Variants in SEC14L1 observed in about 807,000 individuals in gnomAD.
SEC14L1 encodes SEC14-like protein 1.
Under a neutral mutation model 85.3 loss-of-function variants are expected in SEC14L1, and 48 were observed. That is an observed-to-expected ratio of 0.56 (90% CI 0.45 to 0.72). SEC14L1 has a LOEUF of 0.72. Ranked by LOEUF, SEC14L1 falls within the 30% of genes least tolerant of loss-of-function variation. The pLI, the probability that SEC14L1 is intolerant of heterozygous loss-of-function variation, is 0.00. For missense variants in SEC14L1, 682 were observed against 921.4 expected (o/e 0.74, Z 3.36); for synonymous variants, 391 against 355.5 (o/e 1.10, Z -1.12).
intron 3 of SEC14L1, among the ~76,000 whole-genome samples, chr17:77,098,724 C>G (rs892793144): frequency 6.6e-6 from 1 of 152,140 alleles, no homozygotes; most frequent in Non-Finnish European, 1.5e-5. Flanking sequence ...TGGATCTGTC[C>G]TCTCCTAGTG....
At chr17:77,147,923 G>T (rs1038362141) in intron 3 of SEC14L1, among the ~76,000 whole-genome samples, 12 of 152,128 alleles carry the variant, frequency 7.9e-5, no homozygotes, top group African/African-American at 2.9e-4. Context: ...GGCTTGCGGG[G>T]AGGAGAAATT....
At chr17:77,164,041 G>T (rs1037524736) in intron 3 of SEC14L1, among the ~76,000 whole-genome samples, 3 of 152,238 alleles carry the variant, frequency 2.0e-5, no homozygotes, top group Non-Finnish European at 1.5e-5. Context: ...GAGAGTGCTT[G>T]TGTGGCAATA....
chr17:77,155,073 G>A (rs1225348752), intron 3 of SEC14L1, among the ~76,000 whole-genome samples: 1 of 152,104 alleles, frequency 6.6e-6, no homozygotes, highest in Non-Finnish European at 1.5e-5. Context: ...TAGCTATCTG[G>A]CTCTCTTACT....
intron 3 of SEC14L1, among the ~76,000 whole-genome samples, chr17:77,102,655 C>A (rs1005291943): frequency 1.3e-5 from 2 of 151,578 alleles, no homozygotes; most frequent in African/African-American, 4.8e-5. Flanking sequence ...AGGCACATGC[C>A]ACCACACCGA....
intron 8 of SEC14L1, among the ~76,000 whole-genome samples, chr17:77,197,740 C>G (rs1009393397): frequency 1.3e-5 from 2 of 151,994 alleles, no homozygotes; most frequent in Non-Finnish European, 2.9e-5. Flanking sequence ...CTCCTGAGAG[C>G]TGGGGTTAGC....
At chr17:77,191,079 G>A (rs576122062) in intron 4 of SEC14L1, 102 bp from the exon 5 acceptor site, 241 of 1,504,088 alleles carry the variant, frequency 1.6e-4, no homozygotes, top group Admixed American at 1.2e-3. Context: ...GGGAGAGGGC[G>A]TCCTGGAGGG....
chr17:77,209,447 G>A lies in SEC14L1; in HGVS notation c.1582G>A (p.Ala528Thr), dbSNP rs1976632254. The A allele has an allele frequency of 6.2e-7, 1 of 1,614,168 alleles. No individual in the cohort carries two copies. The highest frequency in any genetic ancestry group is 8.5e-7 in the Non-Finnish European group (1 of 1,180,028). The part of the protein sequence containing the change: ...KLWTETIYQS[A>T]SVFKGAPHEI... ...CTGGACTGAGACCATCTACCAGTCT[G>A]CAAGCGTCTTCAAAGGAGCCCCACA... is the stretch of plus-strand genomic sequence containing the variant. The change falls in exon 14 of 17, where the codon GCA becomes ACA. Residue 528 changes from alanine (A) to threonine (T), a missense_variant. Physicochemically the swap from Ala to Thr is moderately conservative, Grantham distance 58 (BLOSUM62 0). This residue lies in a region of SEC14L1 where 420 missense variants were observed against 619.5 expected (regional missense o/e 0.68). Coordinates refer to ENST00000436233, the MANE Select transcript of SEC14L1 (RefSeq NM_001143998.2).
At chr17:77,183,062 C>T (rs938051209) in intron 3 of SEC14L1, among the ~76,000 whole-genome samples, 27 of 152,332 alleles carry the variant, frequency 1.8e-4, no homozygotes, top group East Asian at 1.3e-3. Context: ...ACATCTAAAA[C>T]GTGGCAGTGT....
intron 14 of SEC14L1, chr17:77,210,219 T>C (rs2143203127): frequency 6.6e-6 from 1 of 152,460 alleles, no homozygotes; most frequent in South Asian, 2.1e-4. Context: ...GTAAGTCTAA[T>C]GGAGCAAGGA....
At chr17:77,133,167 C>G (rs1202416242) in intron 3 of SEC14L1, among the ~76,000 whole-genome samples, 1 of 152,212 alleles carries the variant, frequency 6.6e-6, no homozygotes, top group Non-Finnish European at 1.5e-5. Flanking sequence ...GCCACTGCAC[C>G]TGGCTGCGGT....
At chr17:77,197,517 T>C (rs1287904136) in intron 8 of SEC14L1, among the ~76,000 whole-genome samples, 1 of 152,246 alleles carries the variant, frequency 6.6e-6, no homozygotes, top group Non-Finnish European at 1.5e-5. Context: ...ATTTTTAACT[T>C]TGTGTATATC....
At chr17:77,205,406 A>C in intron 11 of SEC14L1, 60 bp downstream of exon 11, 1 of 1,450,360 alleles carries the variant, frequency 6.9e-7, no homozygotes. Flanking sequence ...AAATATTTCT[A>C]GTTGATTTTT....
intron 3 of SEC14L1, among the ~76,000 whole-genome samples, chr17:77,147,635 T>C (rs1012065934): frequency 3.2e-4 from 48 of 152,298 alleles, no homozygotes; most frequent in African/African-American, 1.1e-3. Context: ...TAGTGTTCTT[T>C]TCTCATACTA....
At chr17:77,176,457 TG>T (rs1974763531) in intron 3 of SEC14L1, among the ~76,000 whole-genome samples, 1 of 152,266 alleles carries the variant, frequency 6.6e-6, no homozygotes, top group South Asian at 2.1e-4. Flanking sequence ...ACTGGGGACC[TG>T]CTCCTGTCTG....
At position 77,214,935 on chromosome 17, in the gene SEC14L1, C is replaced by A; in HGVS notation, c.*912C>A. 1.0e-6 allele frequency: 1 copy of A among 985,464 alleles called. No individual in the cohort carries two copies. 61.0% of individuals were successfully genotyped at this position (985,464 alleles called of 1,614,324 possible). On this transcript the variant is annotated 3_prime_UTR_variant, in exon 17 of 17. Transcript: ENST00000436233. ...AGGCCGTCTTGGAACCAGCAAGTCG[C>A]ATTTGCCACTTGACACTGTCCATGG...
chr17:77,143,735 G>C, intron 3 of SEC14L1, 76 bp downstream of exon 3: 1 of 1,096,432 alleles, frequency 9.1e-7, no homozygotes, highest in South Asian at 1.3e-5. Context: ...ATGATCTATA[G>C]ATTTATTGTT....
intron 2 of SEC14L1, among the ~76,000 whole-genome samples, chr17:77,090,305 A>G (rs571836051): frequency 2.4e-4 from 36 of 151,480 alleles, no homozygotes; most frequent in African/African-American, 8.0e-4. Context: ...AAAAAAAAAA[A>G]GGGCATAATT....
chr17:77,096,879 T>TA (rs1480435249), intron 3 of SEC14L1, among the ~76,000 whole-genome samples: 13 of 152,196 alleles, frequency 8.5e-5, no homozygotes, highest in Admixed American at 7.2e-4. Context: ...ACCAAAAAGT[T>TA]ATGCAGAAGA....
intron 3 of SEC14L1, among the ~76,000 whole-genome samples, chr17:77,103,047 A>T (rs890538106): frequency 2.6e-5 from 4 of 152,066 alleles, no homozygotes; most frequent in Middle Eastern, 3.4e-3. Context: ...GCTTCAAGTG[A>T]TCCTCCACCT....
Sources: allele counts gnomAD v4.1 joint callset (sites outside exome capture counted in the v4.1 genomes callset), GRCh38; gene constraint gnomAD v4.1.1; regional missense constraint gnomAD v4.1.1; transcripts MANE v1.5; gene names NCBI Gene and HGNC (gene_info 2026-07-23, HGNC 2026-07-21).